CKAP5: variants seen among roughly 807,000 people sequenced by gnomAD.
The protein encoded by CKAP5 is cytoskeleton associated protein 5.
CKAP5 carries 27 observed loss-of-function variants against 232.8 expected under a neutral mutation model. The observed-to-expected ratio is 0.12, with a 90% CI of 0.09 to 0.16. The LOEUF is 0.16. CKAP5 is among the 10% of genes least tolerant of loss of function. The pLI is 1.00. For synonymous variants in CKAP5, 785 were observed against 841.1 expected (o/e 0.93, Z 1.16); for missense variants, 1,838 against 2,424.7 (o/e 0.76, Z 5.08).
In CKAP5 at chr11:46,743,623, T is replaced by C. The variant is rs1167038539; in HGVS notation, c.*400A>G. 4.9e-6 allele frequency: 1 copy of C among 203,280 alleles called. No homozygotes were observed. Among genetic ancestry groups the C allele is most frequent in the African/African-American group, 2.3e-5 (1 of 43,624 alleles). The allele number at this position is 203,280 out of a possible 1,614,324, so 12.6% of individuals were successfully genotyped here. A position where few individuals can be genotyped will look rare whatever the true frequency, so the allele number is the denominator to read the frequency against. On this transcript the variant is annotated 3_prime_UTR_variant, in exon 44 of 44. Transcript: ENST00000529230. ...CATTCATACAGAATACAGTGACCCTTCAGGGCGACAGAGAAGAGCTCACAA... is the reference window on the plus strand; with the variant it reads ...CATTCATACAGAATACAGTGACCCTCCAGGGCGACAGAGAAGAGCTCACAA...
At chr11:46,781,997 G>T (rs1263661073) in intron 18 of CKAP5, among the ~76,000 whole-genome samples, 1 of 151,928 alleles carries the variant, frequency 6.6e-6, no homozygotes, top group Non-Finnish European at 1.5e-5. Flanking sequence ...AGCTAATTTT[G>T]TATTTTTAGT....
chr11:46,841,701 T>C (rs1394971460), intron 1 of CKAP5, among the ~76,000 whole-genome samples: 1 of 152,040 alleles, frequency 6.6e-6, no homozygotes, highest in African/African-American at 2.4e-5. Flanking sequence ...CAAACTAGTA[T>C]TAAAAAAGTG....
rs185061349 is a variant in CKAP5, at chr11:46,763,788, T to A, written c.3538-158A>T. 1.6e-4 allele frequency among the ~76,000 whole-genome samples: 24 copies of A among 152,334 alleles called. No individual in the cohort carries two copies. In the East Asian group the frequency reaches 4.4e-3, roughly 28 times the overall value. On this transcript the variant is annotated intron_variant, in intron 28 of 43. Coordinates refer to ENST00000529230, the MANE Select transcript of CKAP5 (RefSeq NM_001008938.4). ...AATGCAAATTTCAAGGTGTCATACT[T>A]CTTGAAGCTTAACAACTCTGAAAAT... is the stretch of plus-strand genomic sequence containing the variant.
chr11:46,760,830 T>C, intron 32 of CKAP5, 46 bp from the exon 33 acceptor site: 1 of 1,523,126 alleles, frequency 6.6e-7, no homozygotes, highest in Non-Finnish European at 9.0e-7. Flanking sequence ...AACACAATAA[T>C]ATCTATTTTC....
chr11:46,759,016 A>G lies in CKAP5; in HGVS notation c.4596T>C (p.Asp1532=), dbSNP rs753940815. ...TGGATGCTGTATTACTGTGCATGTC[A>G]TCGAAGTGTGGAGAAACAGCCCGGA... ...PKIRAVSPHF[D]DMHSNTASTI... Residue 1532 remains aspartate (D), a synonymous_variant, in exon 35 of 44, where the codon GAT becomes GAC. Transcript: ENST00000529230. 5 of 1,613,298 alleles carry G rather than the reference A, an allele frequency of 3.1e-6. No individual in the cohort carries two copies. The highest frequency in any genetic ancestry group is 1.7e-5 in the Admixed American group (1 of 59,842).
chr11:46,777,721 T>C (rs2065303592), intron 22 of CKAP5, among the ~76,000 whole-genome samples, 169 bp from the exon 23 acceptor site: 1 of 152,262 alleles, frequency 6.6e-6, no homozygotes, highest in African/African-American at 2.4e-5. Flanking sequence ...AATTAATTTT[T>C]AGGCAGTGGC....
intron 31 of CKAP5, 113 bp from the exon 32 acceptor site, chr11:46,762,306 C>T (rs1248730312): frequency 1.8e-6 from 2 of 1,141,606 alleles, no homozygotes; most frequent in Non-Finnish European, 2.6e-6. Context: ...CTTACTCTGG[C>T]TCTGCCTAGG....
At chr11:46,752,175 TATATATATATATATATATACACACACAC>T (rs2065069881) in intron 38 of CKAP5, among the ~76,000 whole-genome samples, 1 of 39,570 alleles carries the variant, frequency 2.5e-5, no homozygotes, top group African/African-American at 1.1e-4. Flanking sequence ...TATATATATA[TATATATATATATATATATACACACACAC>T]ACACACACAC....
chr11:46,763,638 A>G lies in CKAP5; in HGVS notation c.3538-8T>C. 1 of 1,529,350 alleles carries G rather than the reference A, an allele frequency of 6.5e-7. No homozygotes were observed. The allele number at this position is 1,529,350 out of a possible 1,614,324, so 94.7% of individuals were successfully genotyped here. A position where few individuals can be genotyped will look rare whatever the true frequency, so the allele number is the denominator to read the frequency against. ...AAAATTCCACTTTAGCACCTGGAAA[A>G]AACAAACGGTGAAAAGGGGCTACAG... On this transcript the variant is annotated splice_polypyrimidine_tract_variant and splice_region_variant and intron_variant, in intron 28 of 43. Coordinates refer to ENST00000529230, the MANE Select transcript of CKAP5 (RefSeq NM_001008938.4).
Position 46,772,151 on chromosome 11 carries a change from C to CTGT in CKAP5, c.2992-1172_2992-1170dup, listed in dbSNP as rs529068399. ...CATGGATACCCATTTTCTGATTTTTCTGTTGTTGTTGTTGTTACTGTTGAG... is the reference window on the plus strand; with the variant it reads ...CATGGATACCCATTTTCTGATTTTTCTGTTGTTGTTGTTGTTGTTACTGTTGAG... On this transcript the variant is annotated intron_variant, in intron 24 of 43. Transcript: ENST00000529230. Among the ~76,000 whole-genome samples, 312 of 150,430 alleles carry CTGT rather than the reference C, an allele frequency of 2.1e-3. 1 individual carries two copies. Among genetic ancestry groups the CTGT allele is most frequent in the African/African-American group, 6.9e-3 (281 of 40,914 alleles).
chr11:46,794,717 T>C (rs1361506648), intron 13 of CKAP5, among the ~76,000 whole-genome samples: 3 of 152,080 alleles, frequency 2.0e-5, no homozygotes, highest in Non-Finnish European at 2.9e-5. Context: ...GTCCCTGTCA[T>C]CCTAGCTACT....
At chr11:46,808,252 A>G in intron 7 of CKAP5, 108 bp from the exon 8 acceptor site, 1 of 794,548 alleles carries the variant, frequency 1.3e-6, no homozygotes, top group Admixed American at 2.4e-5. Context: ...TTAAAAAATT[A>G]TAAAACTGGC....
At chr11:46,825,402 T>C (rs1476905376) in intron 1 of CKAP5, among the ~76,000 whole-genome samples, 1 of 152,216 alleles carries the variant, frequency 6.6e-6, no homozygotes, top group Non-Finnish European at 1.5e-5. Flanking sequence ...CTCTCTTCCC[T>C]ACAACCCATG....
intron 42 of CKAP5, 83 bp downstream of exon 42, chr11:46,750,191 G>A: frequency 1.5e-6 from 2 of 1,375,904 alleles, no homozygotes; most frequent in Non-Finnish European, 2.0e-6. Context: ...TCATGGATAT[G>A]AATTTAAACT....
chr11:46,754,933 G>A lies in CKAP5; in HGVS notation c.4824C>T (p.Asp1608=), dbSNP rs1233591816. ...TACAGCTATACAACTTGATGATCTC[G>A]TCCTTCTCCAATTTCTCATCTGCCA... ...THMADEKLEK[D]EIIKLYSCII... The change falls in exon 36 of 44, where the codon GAC becomes GAT. Residue 1608 remains aspartate, a synonymous_variant. Coordinates refer to ENST00000529230, the MANE Select transcript of CKAP5 (RefSeq NM_001008938.4). 2.4e-5 allele frequency: 39 copies of A among 1,613,632 alleles called. No individual in the cohort carries two copies. The highest frequency in any genetic ancestry group is 5.3e-5 in the African/African-American group (4 of 74,874).
chr11:46,818,580 G>T (rs781299768), intron 2 of CKAP5, 77 bp from the exon 3 acceptor site: 2 of 1,048,272 alleles, frequency 1.9e-6, no homozygotes, highest in African/African-American at 3.3e-5. Flanking sequence ...GGGGGGGAGG[G>T]TGTGAGAATA....
intron 1 of CKAP5, among the ~76,000 whole-genome samples, chr11:46,833,086 C>A (rs1939830524): frequency 6.6e-6 from 1 of 151,960 alleles, no homozygotes; most frequent in Non-Finnish European, 1.5e-5. Context: ...GGCTGTGCAC[C>A]ACAATAGCCC....
At position 46,819,547 on chromosome 11, in the gene CKAP5, T is replaced by A. The variant is rs560953385; in HGVS notation, c.58-1044A>T. Among the ~76,000 whole-genome samples the A allele has an allele frequency of 3.9e-5, 6 of 152,338 alleles. No individual in the cohort carries two copies. In the East Asian group the frequency reaches 1.2e-3, roughly 29 times the overall value. ...TGTTAAGCATTAGTAAAGAATTAGA[T>A]GTTTGTCCTCAACACTATTAGATCA... On this transcript the variant is annotated intron_variant, in intron 2 of 43. Coordinates refer to ENST00000529230, the MANE Select transcript of CKAP5 (RefSeq NM_001008938.4).
chr11:46,768,487 C>T (rs2065222887), intron 26 of CKAP5, among the ~76,000 whole-genome samples: 1 of 152,042 alleles, frequency 6.6e-6, no homozygotes, highest in Admixed American at 6.6e-5. Flanking sequence ...CAGACTGATA[C>T]TTTCTTAAAG....
Sources: allele counts gnomAD v4.1 joint callset (sites outside exome capture counted in the v4.1 genomes callset), GRCh38; gene constraint gnomAD v4.1.1; transcripts MANE v1.5; gene names NCBI Gene and HGNC (gene_info 2026-07-23, HGNC 2026-07-21).